PLCB2: variants seen among roughly 807,000 people sequenced by gnomAD.
The protein encoded by PLCB2 is 1-phosphatidylinositol 4,5-bisphosphate phosphodiesterase beta-2.
A neutral mutation model predicts 141.7 loss-of-function variants in PLCB2; 115 were observed. The observed-to-expected ratio is 0.81, with a 90% CI of 0.70 to 0.95. The LOEUF (loss-of-function observed/expected upper bound fraction) is 0.95, where lower values mean the gene tolerates loss of function less well. PLCB2 is among the 40% of genes least tolerant of loss of function. PLCB2 has a pLI of 0.00. For synonymous variants in PLCB2, 603 were observed against 595.6 expected (o/e 1.01, Z -0.18); for missense variants, 1,403 against 1,541.1 (o/e 0.91, Z 1.50).
chr15:40,289,690 A>C, intron 30 of PLCB2: 1 of 508,100 alleles, frequency 2.0e-6, no homozygotes, highest in Non-Finnish European at 3.5e-6. Flanking sequence ...CTCCCTCTTC[A>C]TCCCCTGACC....
At chr15:40,301,723 C>A in intron 7 of PLCB2, 3 of 706,610 alleles carry the variant, frequency 4.2e-6, no homozygotes, top group Non-Finnish European at 7.8e-6. Context: ...CCCCCACCAC[C>A]CAGGGTAGGG....
Position 40,297,722 on chromosome 15 carries a change from C to T in PLCB2, c.1239-117G>A. On this transcript the variant is annotated intron_variant, in intron 12 of 31. Transcript: ENST00000260402. The surrounding 1 kb of genome is among the most constrained non-coding windows in gnomAD (Gnocchi z 4.2). ...CCAGGAGGTCAGGGAGGCTGGGACT[C>T]GAGCAGGAGAACATGAGGCCTTAGG... 6.1e-6 allele frequency: 6 copies of T among 977,014 alleles called. No individual in the cohort carries two copies. The highest frequency in any genetic ancestry group is 2.9e-5 in the South Asian group (2 of 68,864). 60.5% of individuals were successfully genotyped at this position (977,014 alleles called of 1,614,324 possible).
At chr15:40,305,187 T>TCC (rs1566893283) in intron 1 of PLCB2, among the ~76,000 whole-genome samples, 1 of 141,086 alleles carries the variant, frequency 7.1e-6, no homozygotes, top group Non-Finnish European at 1.6e-5. Context: ...TTTTTTTTTT[T>TCC]TTTTTTTTTA....
rs2141158014 is a variant in PLCB2 at position 40,302,259 on chromosome 15, A to G, written c.452+11T>C. On this transcript the variant is annotated intron_variant, in intron 5 of 31. Transcript: ENST00000260402. ...CAGCACCAGGGCTCAGGCCAGGCAG[A>G]GGGCACTTACATCTTGTCCAGGAAG... The G allele has an allele frequency of 6.2e-7, 1 of 1,614,158 alleles. No individual in the cohort carries two copies. Among genetic ancestry groups the G allele is most frequent in the Non-Finnish European group, 8.5e-7 (1 of 1,179,996 alleles).
At chr15:40,289,043 G>A in intron 31 of PLCB2, 125 bp from the exon 32 acceptor site, 1 of 1,399,618 alleles carries the variant, frequency 7.1e-7, no homozygotes. Context: ...ACTGGGGTGA[G>A]AGGCAGGGTG....
intron 30 of PLCB2, 57 bp downstream of exon 30, chr15:40,289,965 GAGA>G (rs2039790693): frequency 1.4e-6 from 1 of 726,828 alleles, no homozygotes; most frequent in African/African-American, 2.2e-5. Flanking sequence ...GAGAGAGAGA[GAGA>G]GTGTGTGTGT....
In PLCB2 at chr15:40,292,455, G is replaced by T; in HGVS notation, c.2327-12C>A. 6.3e-7 allele frequency: 1 copy of T among 1,583,758 alleles called. No homozygotes were observed. The highest frequency in any genetic ancestry group is 8.7e-7 in the Non-Finnish European group (1 of 1,153,676). On this transcript the variant is annotated splice_polypyrimidine_tract_variant and intron_variant, in intron 21 of 31. Coordinates refer to ENST00000260402, the MANE Select transcript of PLCB2 (RefSeq NM_004573.3). The stretch of plus-strand genomic sequence containing the variant: ...CAGGTGGTGGTACCCTGTGAGACAG[G>T]ACAGGGTAGGCAGTGAGCCAGAGCC...
At position 40,297,902 on chromosome 15, in the gene PLCB2, GGAT is replaced by G; in HGVS notation, c.1210_1212del (p.Ile404del). ...GAGTCCACATGGTTCTCAAACGACA[GGAT>G]GATGGGATAGGGGGAGGTCTTAAAG... On this transcript the variant is annotated inframe_deletion, in exon 12 of 32. Coordinates refer to ENST00000260402, the MANE Select transcript of PLCB2 (RefSeq NM_004573.3). This position sits in a 1 kb window ranked among gnomAD's most constrained non-coding sequence, Gnocchi z 4.2. 1 of 1,613,692 alleles carries G rather than the reference GGAT, an allele frequency of 6.2e-7. No individual in the cohort carries two copies. The highest frequency in any genetic ancestry group is 8.5e-7 in the Non-Finnish European group (1 of 1,179,624).
chr15:40,295,216 G>A lies in PLCB2; in HGVS notation c.1766C>T (p.Ser589Leu), dbSNP rs757212963. 6 of 1,613,700 alleles carry A rather than the reference G, an allele frequency of 3.7e-6. No homozygotes were observed. The highest frequency in any genetic ancestry group is 2.2e-5 in the East Asian group (1 of 44,876). ...LKAYDLLSKA[S>L]VQFVDYNKRQ... ...TCAAGGATACTCCACAAACTGCACC[G>A]AGGCCTTGGAGAGCAGGTCATATGC... is the stretch of plus-strand genomic sequence containing the variant. The change falls in exon 17 of 32, where the codon TCG becomes TTG. Residue 589 changes from serine to leucine, a missense_variant. By Grantham distance (145) the Ser-to-Leu change is moderately radical. Transcript: ENST00000260402.
At position 40,294,542 on chromosome 15, in the gene PLCB2, G is replaced by T. The variant is rs982120025; in HGVS notation, c.1907-122C>A. 1.5e-5 allele frequency: 15 copies of T among 970,480 alleles called. No homozygotes were observed. The African/African-American group carries it at 1.8e-4, about 11-fold the overall frequency. The allele number at this position is 970,480 out of a possible 1,614,324, so 60.1% of individuals were successfully genotyped here. Reference sequence around the variant, plus strand: ...GGGAGGTTGGGTGGACCGTGAGGATGAGGGCTTCTCCTGTCCCAGTCTGGT... The same window carrying T: ...GGGAGGTTGGGTGGACCGTGAGGATTAGGGCTTCTCCTGTCCCAGTCTGGT... On this transcript the variant is annotated intron_variant, in intron 18 of 31. Coordinates refer to ENST00000260402, the MANE Select transcript of PLCB2 (RefSeq NM_004573.3).
chr15:40,289,360 T>A lies in PLCB2; in HGVS notation c.3268-2A>T. 1 of 1,611,278 alleles carries A rather than the reference T, an allele frequency of 6.2e-7. No individual in the cohort carries two copies. The highest frequency in any genetic ancestry group is 8.5e-7 in the Non-Finnish European group (1 of 1,177,496). ...GTGCCTCTCCAAGTTCTCCGTCATC[T>A]GGGTGGGAGTGGATGGCAGAGAATC... On this transcript the variant is annotated splice_acceptor_variant, in intron 30 of 31. Coordinates refer to ENST00000260402, the MANE Select transcript of PLCB2 (RefSeq NM_004573.3). LOFTEE classifies it high-confidence loss of function.
chr15:40,297,394 C>G lies in PLCB2; in HGVS notation c.1323+127G>C. The G allele has an allele frequency of 1.3e-6, 1 of 751,538 alleles. No individual in the cohort carries two copies. Among genetic ancestry groups the G allele is most frequent in the South Asian group, 1.5e-5 (1 of 67,994 alleles). 46.6% of individuals were successfully genotyped at this position (751,538 alleles called of 1,614,324 possible). Reference sequence around the variant, plus strand: ...CTGACACACGGAAGGTGACAGGATCCCAGACCCGCATCTAACCAAGTGAAC... The same window carrying G: ...CTGACACACGGAAGGTGACAGGATCGCAGACCCGCATCTAACCAAGTGAAC... On this transcript the variant is annotated intron_variant, in intron 13 of 31. Coordinates refer to ENST00000260402, the MANE Select transcript of PLCB2 (RefSeq NM_004573.3). The surrounding 1 kb of genome is among the most constrained non-coding windows in gnomAD (Gnocchi z 4.2).
rs775869267 is a variant in PLCB2 at position 40,302,559 on chromosome 15, G to T, written c.282C>A (p.Phe94Leu). 10 of 1,614,086 alleles carry T rather than the reference G, an allele frequency of 6.2e-6. No individual in the cohort carries two copies. The African/African-American group carries it at 1.1e-4, about 17-fold the overall frequency. The change falls in exon 4 of 32, where the codon TTC becomes TTA. Residue 94 changes from phenylalanine to leucine, a missense_variant. Coordinates refer to ENST00000260402, the MANE Select transcript of PLCB2 (RefSeq NM_004573.3). Reference protein sequence around the residue: ...VFNMDFPDNSFLLKTLTVVSG... With the variant: ...VFNMDFPDNSLLLKTLTVVSG... ...ACACCACCGTGAGTGTCTTCAGCAG[G>T]AAACTGTTATCAGGAAAGTCCATGT...
chr15:40,298,809 T>G lies in PLCB2; in HGVS notation c.839A>C (p.Asn280Thr). Residue 280 changes from asparagine (N) to threonine (T), a missense_variant, in exon 9 of 32, where the codon AAT becomes ACT. Coordinates refer to ENST00000260402, the MANE Select transcript of PLCB2 (RefSeq NM_004573.3). Reference protein sequence around the residue: ...LIDKYEPSGINAQRGQLSPEG... With the variant: ...LIDKYEPSGITAQRGQLSPEG... Reference sequence around the variant, plus strand: ...CCCTTAGTCCTCACCCCTCTGTGCATTGATGCCACTGGGCTCATACTTGTC... The same window carrying G: ...CCCTTAGTCCTCACCCCTCTGTGCAGTGATGCCACTGGGCTCATACTTGTC... The G allele has an allele frequency of 6.2e-7, 1 of 1,613,318 alleles. No homozygotes were observed. Among genetic ancestry groups the G allele is most frequent in the Non-Finnish European group, 8.5e-7 (1 of 1,179,572 alleles).
downstream of PLCB2, chr15:40,287,905 G>A (rs1186053308): frequency 1.0e-6 from 1 of 982,976 alleles, no homozygotes; most frequent in Non-Finnish European, 1.2e-6. Flanking sequence ...GCTTAAGCAG[G>A]AAACACTGGG....
chr15:40,299,202 G>C lies in PLCB2; in HGVS notation c.609C>G (p.Phe203Leu), dbSNP rs2040390058. The change falls in exon 8 of 32, where the codon TTC (phenylalanine) becomes TTG (leucine). Residue 203 changes from phenylalanine to leucine, a missense_variant. Phe to Leu is a conservative substitution (Grantham distance 22, BLOSUM62 0). Around this residue, in one of 4 missense-constraint regions of PLCB2, gnomAD observed 975 missense variants for 1,141.1 expected, o/e 0.85. Transcript: ENST00000260402. ...GGAAACTCTTGTAGACAGGTTCTGG[G>C]AAGTCCTCAGGATTGATGGCGTCAT... ...GKNDAINPEDFPEPVYKSFLM... is the reference protein window; with the variant it reads ...GKNDAINPEDLPEPVYKSFLM... 1 of 1,613,542 alleles carries C rather than the reference G, an allele frequency of 6.2e-7. No individual in the cohort carries two copies. The highest frequency in any genetic ancestry group is 1.7e-5 in the Admixed American group (1 of 60,004).
intron 31 of PLCB2, 115 bp from the exon 32 acceptor site, chr15:40,289,033 A>G: frequency 6.9e-7 from 1 of 1,450,662 alleles, no homozygotes; most frequent in African/African-American, 1.4e-5. Context: ...CTCCCAGGAG[A>G]CTGGGGTGAG....
chr15:40,291,056 C>A lies in PLCB2; in HGVS notation c.2998G>T (p.Glu1000Ter). ...TGCTCCTTGCGCTTCAGAACGCACT[C>A]GTACTGCTCCTCGCCCTGCCGCAGC... ...ELLRQGEEQY[E>*]CVLKRKEQHV... Residue 1000 changes from glutamate to a stop codon, truncating the protein, a stop_gained, in exon 27 of 32, where the codon GAG becomes TAG. Coordinates refer to ENST00000260402, the MANE Select transcript of PLCB2 (RefSeq NM_004573.3). LOFTEE classifies it high-confidence loss of function. 6.3e-7 allele frequency: 1 copy of A among 1,592,960 alleles called. No individual in the cohort carries two copies. The highest frequency in any genetic ancestry group is 8.5e-7 in the Non-Finnish European group (1 of 1,177,262).
At chr15:40,304,174 G>A (rs768618561) in intron 1 of PLCB2, 96 bp from the exon 2 acceptor site, 7 of 780,906 alleles carry the variant, frequency 9.0e-6, no homozygotes, top group Non-Finnish European at 1.5e-5. Flanking sequence ...CTTCCCAGGA[G>A]GTGCCCATCC....
Sources: allele counts gnomAD v4.1 joint callset (sites outside exome capture counted in the v4.1 genomes callset), GRCh38; gene constraint gnomAD v4.1.1; regional missense constraint gnomAD v4.1.1; non-coding constraint Gnocchi (gnomAD v3.1); transcripts MANE v1.5; gene names NCBI Gene and HGNC (gene_info 2026-07-23, HGNC 2026-07-21).